Variants in AHCY observed in about 807,000 individuals in gnomAD.
AHCY encodes adenosylhomocysteinase.
AHCY carries 24 observed loss-of-function variants against 45.4 expected under a neutral mutation model. The observed-to-expected ratio is 0.53, with a 90% CI of 0.38 to 0.74. AHCY has a LOEUF of 0.74. Among genes scored for constraint, AHCY ranks in the 30% least tolerant of loss-of-function variants. The probability of loss-of-function intolerance (pLI) is 0.00; values close to 1 mark genes in which losing one functional copy is unlikely to be tolerated. For missense variants in AHCY, 449 were observed against 594.1 expected (o/e 0.76, Z 2.54); for synonymous variants, 245 against 235.1 (o/e 1.04, Z -0.39).
At chr20:34,245,863 A>AAT in the AHCY span, 354 of 822,480 alleles carry the variant, frequency 4.3e-4, no homozygotes, top group East Asian at 9.9e-3. Context: ...TTCTACAGTA[A>AAT]ATATATATAT....
At chr20:34,299,074 G>A (rs1318090915) in intron 1 of AHCY, among the ~76,000 whole-genome samples, 1 of 152,070 alleles carries the variant, frequency 6.6e-6, no homozygotes, top group Non-Finnish European at 1.5e-5. Flanking sequence ...GCGCATTGAT[G>A]GTAGTGGTCC....
At chr20:34,271,626 C>T in the AHCY span, among the ~76,000 whole-genome samples, 3 of 137,528 alleles carry the variant, frequency 2.2e-5, no homozygotes, top group African/African-American at 8.1e-5. Flanking sequence ...AGTGTAGTGG[C>T]GCAATATGGG....
downstream of AHCY, among the ~76,000 whole-genome samples, chr20:34,277,754 C>CAA (rs59920283): frequency 4.5e-3 from 177 of 39,048 alleles, no homozygotes; most frequent in Non-Finnish European, 6.2e-3. Flanking sequence ...GACTCCATCT[C>CAA]AAAAAAAAAA....
intron 1 of AHCY, 100 bp downstream of exon 1, chr20:34,303,143 G>C (rs929751023): frequency 1.4e-5 from 22 of 1,528,018 alleles, no homozygotes; most frequent in Middle Eastern, 4.2e-4. Flanking sequence ...GCGATTCCAG[G>C]GGGTCCAGAG....
At chr20:34,300,183 C>CA (rs1024558586) in intron 1 of AHCY, among the ~76,000 whole-genome samples, 6 of 151,002 alleles carry the variant, frequency 4.0e-5, no homozygotes, top group East Asian at 1.9e-4. Flanking sequence ...ACTCTGTCTC[C>CA]AAAAAAAACA....
chr20:34,306,171 T>C (rs2036894705), upstream of AHCY, among the ~76,000 whole-genome samples: 1 of 151,852 alleles, frequency 6.6e-6, no homozygotes, highest in South Asian at 2.1e-4. Flanking sequence ...CTGTATATCG[T>C]GCTTTGAGAT....
rs762670836 is a variant in AHCY, at chr20:34,289,472, CT to C, written c.972+859del. ...ACAGGCATGAGCCACTGTACCTGGC[CT>C]TTTTTTTTTTTTTTTTTTTGAGATG... On this transcript the variant is annotated intron_variant, in intron 8 of 9. Coordinates refer to ENST00000217426, the MANE Select transcript of AHCY (RefSeq NM_000687.4). Among the ~76,000 whole-genome samples the C allele has an allele frequency of 7.8e-3, 825 of 106,388 alleles. 7 individuals are homozygous for C. Among genetic ancestry groups the C allele is most frequent in the African/African-American group, 0.028 (698 of 25,196 alleles). The allele number at this position is 106,388 out of a possible 152,430, so 69.8% of individuals were successfully genotyped here. A position where few individuals can be genotyped will look rare whatever the true frequency, so the allele number is the denominator to read the frequency against.
chr20:34,309,695 C>A (rs946773224), intron 1 of AHCY, among the ~76,000 whole-genome samples: 2 of 152,034 alleles, frequency 1.3e-5, no homozygotes, highest in African/African-American at 2.4e-5. Flanking sequence ...GCAGGAGAAT[C>A]GCTTGAACCC....
rs760924578 is a variant in AHCY at position 34,303,299 on chromosome 20, G to A, written c.-29C>T. The A allele has an allele frequency of 1.0e-5, 16 of 1,551,628 alleles. No homozygotes were observed. In the African/African-American group the frequency reaches 1.1e-4, roughly 11 times the overall value. ...GGCGGCACTCGTGATGGAAACGGGC[G>A]AAGGGGGCTGGGCCTCAGTCTGGGA... On this transcript the variant is annotated 5_prime_UTR_variant, in exon 1 of 10. Transcript: ENST00000217426.
intron 9 of AHCY, 39 bp from the exon 10 acceptor site, chr20:34,281,204 T>C: frequency 3.7e-6 from 6 of 1,610,986 alleles, no homozygotes; most frequent in South Asian, 3.3e-5. Context: ...TCAGTGCCAT[T>C]TTCTGGGACC....
the AHCY span, among the ~76,000 whole-genome samples, chr20:34,273,344 G>T: frequency 6.7e-6 from 1 of 149,498 alleles, no homozygotes; most frequent in Non-Finnish European, 1.5e-5. Flanking sequence ...TCTGTTGTTT[G>T]CAACTAATAT....
At position 34,295,464 on chromosome 20, in the gene AHCY, G is replaced by T; in HGVS notation, c.150C>A (p.Ile50=). The change falls in exon 2 of 10, where the codon ATC becomes ATA. Residue 50 remains isoleucine (I), a synonymous_variant. Coordinates refer to ENST00000217426, the MANE Select transcript of AHCY (RefSeq NM_000687.4). ...CCACGGTCATGTGCAGGCAGCCAGC[G>T]ATGCGGGCGCCCTTCAGTGGCTTGG... ...SASKPLKGAR[I]AGCLHMTVET... 1 of 1,614,140 alleles carries T rather than the reference G, an allele frequency of 6.2e-7. No homozygotes were observed. The highest frequency in any genetic ancestry group is 1.1e-5 in the South Asian group (1 of 91,082).
the AHCY span, among the ~76,000 whole-genome samples, chr20:34,263,269 A>C: frequency 6.6e-6 from 1 of 152,256 alleles, no homozygotes; most frequent in African/African-American, 2.4e-5. Flanking sequence ...ATATTTGTTT[A>C]AAATTAAATC....
the AHCY span, among the ~76,000 whole-genome samples, chr20:34,264,840 G>C: frequency 7.5e-6 from 1 of 132,636 alleles, no homozygotes; most frequent in African/African-American, 3.0e-5. Context: ...CTGTCACTCA[G>C]GCTGGAGTGC....
chr20:34,269,282 G>A, the AHCY span: 1 of 1,288,120 alleles, frequency 7.8e-7, no homozygotes, highest in African/African-American at 1.6e-5. Context: ...GAGGTTCCAG[G>A]AGATGGGACT....
the AHCY span, chr20:34,260,534 G>A: frequency 6.2e-7 from 1 of 1,608,762 alleles, no homozygotes; most frequent in South Asian, 1.1e-5. Flanking sequence ...CTCTATTGTG[G>A]GTAAGTCACC....
the AHCY span, among the ~76,000 whole-genome samples, chr20:34,235,786 GAAGAAAGAAAGAAAGAAAGAAAGA>G: frequency 1.6e-5 from 1 of 61,320 alleles, no homozygotes; most frequent in African/African-American, 5.4e-5. Flanking sequence ...CTCTGAGAAA[GAAGAAAGAAAGAAAGAAAGAAAGA>G]AAGAAAGAAA....
At chr20:34,269,829 A>T in the AHCY span, among the ~76,000 whole-genome samples, 128 of 151,714 alleles carry the variant, frequency 8.4e-4, no homozygotes, top group Admixed American at 2.4e-3. Flanking sequence ...GGTAAATCTC[A>T]GCTACTTGGG....
At chr20:34,308,045 C>G (rs945091233), upstream of AHCY, among the ~76,000 whole-genome samples, 6 of 152,058 alleles carry the variant, frequency 3.9e-5, no homozygotes, top group African/African-American at 1.4e-4. Context: ...TGAGAACATG[C>G]TGTATTTGGT....
Sources: gnomAD v4.1 joint callset for allele counts (sites outside exome capture counted in the v4.1 genomes callset) on GRCh38, gnomAD v4.1.1 for gene constraint, MANE v1.5 for transcripts, NCBI Gene and HGNC (gene_info 2026-07-23, HGNC 2026-07-21) for gene names.